EHBP1: variants seen among roughly 807,000 people sequenced by gnomAD.
The protein encoded by EHBP1 is EH domain-binding protein 1.
A neutral mutation model predicts 144.0 loss-of-function variants in EHBP1; 55 were observed. The ratio of observed to expected loss-of-function variants is 0.38; its 90% CI spans 0.31 to 0.48. EHBP1 has a LOEUF of 0.48. EHBP1 is among the 20% of genes least tolerant of loss of function. The pLI is 0.98. For missense variants in EHBP1, 1,200 were observed against 1,364.2 expected, an observed-to-expected ratio of 0.88 and a Z score of 1.90; for synonymous variants, 469 against 472.7, an observed-to-expected ratio of 0.99 and a Z score of 0.10.
intron 3 of EHBP1, 111 bp downstream of exon 3, chr2:62,747,563 CTTGA>C (rs2039278233): frequency 3.7e-6 from 3 of 806,510 alleles, no homozygotes; most frequent in Admixed American, 5.1e-5. Context: ...GTTTTTTTTT[CTTGA>C]TTGTCTACTG....
chr2:62,737,637 A>G (rs2038280644), intron 2 of EHBP1, among the ~76,000 whole-genome samples: 1 of 152,130 alleles, frequency 6.6e-6, no homozygotes, highest in African/African-American at 2.4e-5. Flanking sequence ...GGAGCGGCAA[A>G]CTGGAAGACT....
chr2:62,770,994 G>A (rs1467629495), intron 4 of EHBP1, among the ~76,000 whole-genome samples: 1 of 152,056 alleles, frequency 6.6e-6, no homozygotes, highest in Non-Finnish European at 1.5e-5. Context: ...CAGACACTGC[G>A]GCCTATGGGA....
At chr2:63,013,042 T>TA (rs887318246) in intron 19 of EHBP1, among the ~76,000 whole-genome samples, 10 of 152,166 alleles carry the variant, frequency 6.6e-5, no homozygotes, top group African/African-American at 2.2e-4. Flanking sequence ...ATAACTTATT[T>TA]AAGTCTTCTA....
intron 1 of EHBP1, among the ~76,000 whole-genome samples, chr2:62,689,422 C>T (rs912747655): frequency 7.2e-5 from 11 of 152,160 alleles, no homozygotes; most frequent in African/African-American, 2.4e-4. Context: ...GTGGGCAGAT[C>T]GCTTGAGGCC....
chr2:62,973,298 A>C (rs1313066340), intron 14 of EHBP1, among the ~76,000 whole-genome samples: 1 of 152,242 alleles, frequency 6.6e-6, no homozygotes, highest in Non-Finnish European at 1.5e-5. Flanking sequence ...ACTCAGTGAA[A>C]TACACTTAAA....
chr2:62,880,165 G>A (rs555082817), intron 10 of EHBP1, among the ~76,000 whole-genome samples: 12 of 152,286 alleles, frequency 7.9e-5, no homozygotes, highest in African/African-American at 2.9e-4. Context: ...GCCATGTAAA[G>A]AAGATTGAAA....
At chr2:62,806,814 C>T (rs759997025) in intron 5 of EHBP1, among the ~76,000 whole-genome samples, 18 of 152,040 alleles carry the variant, frequency 1.2e-4, no homozygotes, top group Non-Finnish European at 2.2e-4. Context: ...TTTCAAATAA[C>T]ACCATGCCAC....
chr2:62,814,773 C>T (rs544485250), intron 5 of EHBP1, among the ~76,000 whole-genome samples: 13 of 152,210 alleles, frequency 8.5e-5, no homozygotes, highest in African/African-American at 3.1e-4. Context: ...CTAGAGAATT[C>T]CAATAAAATA....
chr2:62,796,255 A>T (rs940110464), intron 5 of EHBP1, among the ~76,000 whole-genome samples: 2 of 152,086 alleles, frequency 1.3e-5, no homozygotes, highest in Admixed American at 1.3e-4. Flanking sequence ...AGAAATATGC[A>T]TAAAACTGTG....
At chr2:62,692,200 A>C in intron 1 of EHBP1, among the ~76,000 whole-genome samples, 1 of 152,232 alleles carries the variant, frequency 6.6e-6, no homozygotes, top group South Asian at 2.1e-4. Context: ...TTATAGCGTG[A>C]ATCAATGCTT....
chr2:62,872,256 A>G lies in EHBP1; in HGVS notation c.999-2090A>G, dbSNP rs545932708. 1.1e-4 allele frequency among the ~76,000 whole-genome samples: 17 copies of G among 152,016 alleles called. No homozygotes were observed. The East Asian group carries it at 1.4e-3, about 12-fold the overall frequency. ...ATGTCATTTAAAATTATTCTGTCCA[A>G]TTTTCTCCTAATATAACCGATGAAT... is the stretch of plus-strand genomic sequence containing the variant. On this transcript the variant is annotated intron_variant, in intron 9 of 22. Transcript: ENST00000431489.
At chr2:62,844,421 A>G (rs910132700) in intron 7 of EHBP1, among the ~76,000 whole-genome samples, 5 of 152,196 alleles carry the variant, frequency 3.3e-5, no homozygotes, top group Admixed American at 3.3e-4. Context: ...AGAATTTTGA[A>G]TTACAGTTGG....
chr2:63,019,825 GGGGA>G (rs202105520), intron 19 of EHBP1, among the ~76,000 whole-genome samples: 3 of 61,630 alleles, frequency 4.9e-5, no homozygotes, highest in East Asian at 7.1e-4. Flanking sequence ...AAGGGAAGAG[GGGGA>G]GGGAAGGAAG....
rs540640037 is a variant in EHBP1, at chr2:62,903,444, T to G, written c.1185+28912T>G. On this transcript the variant is annotated intron_variant, in intron 10 of 22. Coordinates refer to ENST00000431489, the MANE Select transcript of EHBP1 (RefSeq NM_001142616.3). ...TGATTAAAAATAAATAATTAAAAAT[T>G]TGGAATAAAGAAGAAAAACCTAAAC... Among the ~76,000 whole-genome samples, 5 of 152,182 alleles carry G rather than the reference T, an allele frequency of 3.3e-5. No homozygotes were observed. In the South Asian group the frequency reaches 1.0e-3, roughly 32 times the overall value.
At chr2:62,923,951 A>G (rs986945211) in intron 10 of EHBP1, among the ~76,000 whole-genome samples, 7 of 152,176 alleles carry the variant, frequency 4.6e-5, no homozygotes, top group Non-Finnish European at 7.3e-5. Context: ...CTGAGCAGCT[A>G]TGTGTCTGTG....
At chr2:62,926,683 C>CA (rs540890959) in intron 10 of EHBP1, among the ~76,000 whole-genome samples, 1 of 151,688 alleles carries the variant, frequency 6.6e-6, no homozygotes, top group African/African-American at 2.4e-5. Flanking sequence ...ACAACAACAA[C>CA]AAAAAAACAA....
intron 10 of EHBP1, among the ~76,000 whole-genome samples, chr2:62,938,569 T>C (rs976875401): frequency 2.0e-5 from 3 of 152,244 alleles, no homozygotes; most frequent in Non-Finnish European, 4.4e-5. Flanking sequence ...ATCTGCTATG[T>C]TAAACAGAAA....
intron 10 of EHBP1, among the ~76,000 whole-genome samples, chr2:62,932,700 T>A (rs1201063604): frequency 6.6e-6 from 1 of 152,148 alleles, no homozygotes; most frequent in Non-Finnish European, 1.5e-5. Context: ...ACACCTGTAA[T>A]CTCAGCACTT....
chr2:62,831,999 C>T (rs1347824357), intron 7 of EHBP1, among the ~76,000 whole-genome samples: 1 of 152,202 alleles, frequency 6.6e-6, no homozygotes, highest in African/African-American at 2.4e-5. Context: ...ACTTCCTTGA[C>T]TCTGAAGACC....
Sources: allele counts gnomAD v4.1 joint callset (sites outside exome capture counted in the v4.1 genomes callset), GRCh38; gene constraint gnomAD v4.1.1; transcripts MANE v1.5; gene names NCBI Gene and HGNC (gene_info 2026-07-23, HGNC 2026-07-21).